FANCI: variants seen among roughly 807,000 people sequenced by gnomAD.
FANCI encodes the protein FA complementation group I.
FANCI carries 156 observed loss-of-function variants against 176.1 expected under a neutral mutation model. The ratio of observed to expected loss-of-function variants is 0.89; its 90% CI spans 0.78 to 1.01. FANCI has a LOEUF of 1.01. FANCI is among the 50% of genes least tolerant of loss of function. The pLI is 0.00. For missense variants in FANCI, 1,678 were observed against 1,534.1 expected, an observed-to-expected ratio of 1.09 and a Z score of -1.57; for synonymous variants, 613 against 541.7, an observed-to-expected ratio of 1.13 and a Z score of -1.83.
At chr15:89,258,084 A>G (rs2052572891) in intron 2 of FANCI, among the ~76,000 whole-genome samples, 1 of 150,486 alleles carries the variant, frequency 6.6e-6, no homozygotes. Flanking sequence ...TTTTTTTTTA[A>G]GCAAGGCTTT....
intron 10 of FANCI, among the ~76,000 whole-genome samples, chr15:89,272,232 C>T (rs533010023): frequency 6.6e-6 from 1 of 152,156 alleles, no homozygotes; most frequent in Non-Finnish European, 1.5e-5. Flanking sequence ...TGCTCATTAA[C>T]TGTTCTAATA....
chr15:89,268,691 T>C, intron 10 of FANCI, 166 bp downstream of exon 10: 1 of 747,194 alleles, frequency 1.3e-6, no homozygotes, highest in East Asian at 2.8e-5. Context: ...ATACATGATG[T>C]TACCACACTC....
At chr15:89,282,615 T>TA (rs1301283379) in intron 16 of FANCI, 3 of 180,952 alleles carry the variant, frequency 1.7e-5, no homozygotes, top group Admixed American at 1.1e-4. Flanking sequence ...AAGTTTTTGT[T>TA]ACTCCTCACC....
At chr15:89,260,272 T>G (rs183376344) in intron 3 of FANCI, among the ~76,000 whole-genome samples, 1 of 152,142 alleles carries the variant, frequency 6.6e-6, no homozygotes, top group South Asian at 2.1e-4. Context: ...AATGAAAATA[T>G]CAAATGGAGA....
chr15:89,269,861 A>T (rs1472081367), intron 10 of FANCI, among the ~76,000 whole-genome samples: 1 of 151,508 alleles, frequency 6.6e-6, no homozygotes, highest in Non-Finnish European at 1.5e-5. Flanking sequence ...CCCAAGCTAG[A>T]GTGCCGTGGC....
intron 6 of FANCI, 141 bp downstream of exon 6, chr15:89,262,019 C>A (rs2052731924): frequency 2.7e-6 from 2 of 730,772 alleles, no homozygotes; most frequent in Non-Finnish European, 4.8e-6. Context: ...ACTATTTAGT[C>A]TGCAATGAAT....
In FANCI at chr15:89,274,229, G is replaced by A. The variant is rs1046699492; in HGVS notation, c.1037G>A (p.Gly346Asp). 6.2e-7 allele frequency: 1 copy of A among 1,609,752 alleles called. No homozygotes were observed. Among genetic ancestry groups the A allele is most frequent in the Non-Finnish European group, 8.5e-7 (1 of 1,177,840 alleles). Residue 346 changes from glycine (G) to aspartate (D), a missense_variant, in exon 12 of 38, where the codon GGC (glycine) becomes GAC (aspartate). This residue lies in a region of FANCI where 469 missense variants were observed against 436.9 expected (regional missense o/e 1.07). Coordinates refer to ENST00000310775, the MANE Select transcript of FANCI (RefSeq NM_001113378.2). Reference sequence around the variant, plus strand: ...TTTAAGGATCTTCAACTCCTCCAAGGCTCAAAATTTCTTCAGAATCTAGTT... The same window carrying A: ...TTTAAGGATCTTCAACTCCTCCAAGACTCAAAATTTCTTCAGAATCTAGTT... ...KSFKDLQLLQGSKFLQNLVPH... is the reference protein window; with the variant it reads ...KSFKDLQLLQDSKFLQNLVPH...
Position 89,283,245 on chromosome 15 carries a change from A to T in FANCI, c.1693A>T (p.Ser565Cys). The T allele has an allele frequency of 6.2e-7, 1 of 1,613,974 alleles. No individual in the cohort carries two copies. Among genetic ancestry groups the T allele is most frequent in the Non-Finnish European group, 8.5e-7 (1 of 1,179,838 alleles). Residue 565 changes from serine to cysteine, a missense_variant, in exon 17 of 38, where the codon AGT becomes TGT. By Grantham distance (112) the Ser-to-Cys change is moderately radical. Around this residue, in one of 3 missense-constraint regions of FANCI, gnomAD observed 1,204 missense variants for 1,077.4 expected, o/e 1.12. Transcript: ENST00000310775. ...TCAGTGCAGTCAGTCTCTCAGTGTC[A>T]GTCAGGTAAGGATTATTTACGTTAA... ...SSQCSQSLSV[S>C]QVHVDVHSHY...
chr15:89,297,431 G>A (rs1171331469), intron 24 of FANCI, among the ~76,000 whole-genome samples: 26 of 152,036 alleles, frequency 1.7e-4, no homozygotes, highest in Admixed American at 3.9e-4. Context: ...GGAGGTTGTA[G>A]CGAGCCGAGA....
chr15:89,291,200 C>T (rs921463574), intron 19 of FANCI, among the ~76,000 whole-genome samples: 1 of 151,956 alleles, frequency 6.6e-6, no homozygotes, highest in Non-Finnish European at 1.5e-5. Context: ...ATGTTTAATC[C>T]TTATACAATG....
chr15:89,254,331 G>T (rs886574484), intron 2 of FANCI, among the ~76,000 whole-genome samples: 1 of 152,138 alleles, frequency 6.6e-6, no homozygotes, highest in African/African-American at 2.4e-5. Context: ...AAGTTTATGC[G>T]TGGGCAGGAT....
chr15:89,268,549 T>C (rs750596055), intron 10 of FANCI, 24 bp downstream of exon 10: 1 of 1,613,852 alleles, frequency 6.2e-7, no homozygotes, highest in Non-Finnish European at 8.5e-7. Flanking sequence ...TGTAAGGTGA[T>C]CTGGGTCTCT....
At chr15:89,264,497 C>G (rs977804229) in intron 8 of FANCI, 25 bp from the exon 9 acceptor site, 4 of 1,600,806 alleles carry the variant, frequency 2.5e-6, no homozygotes, top group Admixed American at 1.7e-5. Flanking sequence ...ATTGGGAGAC[C>G]TTACCAATTT....
chr15:89,279,840 G>A (rs2053548744), intron 14 of FANCI, among the ~76,000 whole-genome samples: 1 of 152,078 alleles, frequency 6.6e-6, no homozygotes, highest in African/African-American at 2.4e-5. Context: ...CACATCCAGT[G>A]TCTAATTCCT....
chr15:89,306,690 T>A (rs890809095), intron 32 of FANCI, among the ~76,000 whole-genome samples: 2 of 152,024 alleles, frequency 1.3e-5, no homozygotes, highest in African/African-American at 4.8e-5. Context: ...AGACTCCATC[T>A]CAAAAATTAA....
Position 89,281,739 on chromosome 15 carries a change from GT to G in FANCI, c.1513-21del, listed in dbSNP as rs1344417337. ...TAAGGCTAATAAGCAAACTTGTTCTGTTTTTACCCACTGATTCTTTTTCAGC... is the reference window on the plus strand; with the variant it reads ...TAAGGCTAATAAGCAAACTTGTTCTGTTTTACCCACTGATTCTTTTTCAGC... On this transcript the variant is annotated intron_variant, in intron 15 of 37. Coordinates refer to ENST00000310775, the MANE Select transcript of FANCI (RefSeq NM_001113378.2). 1.9e-6 allele frequency: 3 copies of G among 1,610,190 alleles called. No homozygotes were observed. The East Asian group carries it at 6.7e-5, about 36-fold the overall frequency.
At chr15:89,283,548 C>T (rs910961493) in intron 17 of FANCI, among the ~76,000 whole-genome samples, 6 of 152,196 alleles carry the variant, frequency 3.9e-5, no homozygotes, top group East Asian at 3.9e-4. Context: ...TTGTGCTATA[C>T]ATGCAAAATT....
At chr15:89,254,386 A>G (rs752514063) in intron 2 of FANCI, among the ~76,000 whole-genome samples, 9 of 152,192 alleles carry the variant, frequency 5.9e-5, no homozygotes, top group Non-Finnish European at 1.2e-4. Flanking sequence ...CAGAAAGTAA[A>G]GAAGTGCTCA....
intron 7 of FANCI, 138 bp from the exon 8 acceptor site, chr15:89,263,765 T>G: frequency 9.8e-7 from 1 of 1,025,194 alleles, no homozygotes; most frequent in Non-Finnish European, 1.4e-6. Flanking sequence ...ATCTATTATC[T>G]CTTTAATTCT....
Sources: gnomAD v4.1 joint callset for allele counts (sites outside exome capture counted in the v4.1 genomes callset) on GRCh38, gnomAD v4.1.1 for gene constraint, gnomAD v4.1.1 regional missense constraint, MANE v1.5 for transcripts, NCBI Gene and HGNC (gene_info 2026-07-23, HGNC 2026-07-21) for gene names.